Variants in HSD17B12 observed in about 807,000 individuals in gnomAD.
The protein encoded by HSD17B12 is hydroxysteroid 17-beta dehydrogenase 12.
HSD17B12 carries 32 observed loss-of-function variants against 39.3 expected under a neutral mutation model. The observed-to-expected ratio is 0.81, with a 90% confidence interval of 0.61 to 1.09. HSD17B12 has a LOEUF of 1.09. Ranked by LOEUF, HSD17B12 falls within the 50% of genes least tolerant of loss-of-function variation. The probability of loss-of-function intolerance (pLI) is 0.00; values close to 1 mark genes in which losing one functional copy is unlikely to be tolerated. For synonymous variants in HSD17B12, 150 were observed against 146.7 expected (o/e 1.02, Z -0.16); for missense variants, 342 against 382.9 (o/e 0.89, Z 0.89).
chr11:43,733,861 A>T (rs1950291277), intron 1 of HSD17B12: 2 of 677,568 alleles, frequency 3.0e-6, no homozygotes, highest in Non-Finnish European at 5.5e-6. Flanking sequence ...TGCTGGGCAC[A>T]GAGCTGCGAT....
At position 43,838,359 on chromosome 11, in the gene HSD17B12, GC is replaced by G; in HGVS notation, c.580del (p.Leu194SerfsTer6). On this transcript the variant is annotated frameshift_variant, in exon 8 of 11. Coordinates refer to ENST00000278353, the MANE Select transcript of HSD17B12 (RefSeq NM_016142.3). LOFTEE classifies it high-confidence loss of function. The stretch of plus-strand genomic sequence containing the variant: ...TGAACATTTCATCTGGCAGTGGCAT[GC>G]TCCCTGTCCCACTCTTGACCATCTA... ...ILNISSGSGM[L>X]PVPLLTIYSA... 1 of 1,613,244 alleles carries G rather than the reference GC, an allele frequency of 6.2e-7. No individual in the cohort carries two copies. The highest frequency in any genetic ancestry group is 8.5e-7 in the Non-Finnish European group (1 of 1,179,366).
intron 9 of HSD17B12, among the ~76,000 whole-genome samples, chr11:43,843,859 T>C (rs1285980757): frequency 6.6e-6 from 1 of 152,180 alleles, no homozygotes; most frequent in Admixed American, 6.5e-5. Flanking sequence ...CCCACTTCCA[T>C]GTATTCTCGA....
chr11:43,764,646 T>C (rs937445067), intron 3 of HSD17B12, among the ~76,000 whole-genome samples: 8 of 152,312 alleles, frequency 5.3e-5, no homozygotes, highest in African/African-American at 1.9e-4. Context: ...GTCCTCTTGA[T>C]GAATTCACTC....
chr11:43,826,858 G>A (rs1430041946), intron 6 of HSD17B12, among the ~76,000 whole-genome samples: 1 of 152,190 alleles, frequency 6.6e-6, no homozygotes, highest in Non-Finnish European at 1.5e-5. Flanking sequence ...TTTCAATGGA[G>A]TTACCATCTA....
chr11:43,815,182 A>G (rs1249570362), intron 4 of HSD17B12, among the ~76,000 whole-genome samples: 2 of 152,178 alleles, frequency 1.3e-5, no homozygotes, highest in Non-Finnish European at 2.9e-5. Context: ...GGCTATGGAA[A>G]GTGAGAGGCA....
At chr11:43,596,646 C>A in the HSD17B12 span, among the ~76,000 whole-genome samples, 1 of 152,068 alleles carries the variant, frequency 6.6e-6, no homozygotes, top group African/African-American at 2.4e-5. Flanking sequence ...CGCTATTGCC[C>A]AGGCTGGTCT....
chr11:43,617,381 T>A, the HSD17B12 span, among the ~76,000 whole-genome samples: 759 of 152,204 alleles, frequency 5.0e-3, 6 homozygotes, highest in African/African-American at 0.017. Context: ...GACTTTGGGA[T>A]GGTAAGATTG....
chr11:43,595,431 A>G, the HSD17B12 span, among the ~76,000 whole-genome samples: 2 of 152,268 alleles, frequency 1.3e-5, no homozygotes, highest in Non-Finnish European at 2.9e-5. Context: ...ATCAGCTGTT[A>G]CATGCACACC....
the HSD17B12 span, among the ~76,000 whole-genome samples, chr11:43,575,174 T>C: frequency 1.3e-5 from 2 of 152,248 alleles, no homozygotes; most frequent in Non-Finnish European, 2.9e-5. This position sits in a 1 kb window ranked among gnomAD's most constrained non-coding sequence, Gnocchi z 4.1. Flanking sequence ...TCTGGGAGTC[T>C]GTCCGTCTCT....
intron 3 of HSD17B12, among the ~76,000 whole-genome samples, chr11:43,759,786 G>A (rs1176260928): frequency 6.6e-6 from 1 of 151,726 alleles, no homozygotes; most frequent in Non-Finnish European, 1.5e-5. Context: ...GGAATGCAGT[G>A]GCCCAAATAT....
chr11:43,608,252 G>A, the HSD17B12 span, among the ~76,000 whole-genome samples: 2 of 151,716 alleles, frequency 1.3e-5, no homozygotes, highest in African/African-American at 2.4e-5. Context: ...TGTAGTCCCA[G>A]CTATCTGGGA....
At chr11:43,842,275 G>A (rs972922792) in intron 9 of HSD17B12, among the ~76,000 whole-genome samples, 2 of 152,154 alleles carry the variant, frequency 1.3e-5, no homozygotes, top group Non-Finnish European at 2.9e-5. Flanking sequence ...AGTAGATACT[G>A]GTGGGAGCTA....
At chr11:43,599,003 A>G in the HSD17B12 span, among the ~76,000 whole-genome samples, 2 of 152,238 alleles carry the variant, frequency 1.3e-5, no homozygotes, top group Non-Finnish European at 2.9e-5. Context: ...TTCTTACATC[A>G]CTTTGGACAA....
chr11:43,604,252 A>C, the HSD17B12 span, among the ~76,000 whole-genome samples: 2 of 152,184 alleles, frequency 1.3e-5, no homozygotes, highest in African/African-American at 2.4e-5. Context: ...ATCGTATATA[A>C]CTAGATATTT....
chr11:43,678,120 C>T (rs1029027868), upstream of HSD17B12, among the ~76,000 whole-genome samples: 2 of 152,192 alleles, frequency 1.3e-5, no homozygotes, highest in African/African-American at 4.8e-5. Context: ...TTAATGATTG[C>T]CATTCTAACT....
At chr11:43,838,782 T>G (rs891635856) in intron 8 of HSD17B12, among the ~76,000 whole-genome samples, 1 of 152,028 alleles carries the variant, frequency 6.6e-6, no homozygotes, top group Non-Finnish European at 1.5e-5. Context: ...CATGAATGAG[T>G]CCACTTCACA....
intron 1 of HSD17B12, among the ~76,000 whole-genome samples, chr11:43,704,118 G>A (rs1949992215): frequency 6.6e-6 from 1 of 152,200 alleles, no homozygotes; most frequent in African/African-American, 2.4e-5. Context: ...GGCACCACTA[G>A]CTTAGCTGTA....
upstream of HSD17B12, chr11:43,680,687 C>T (rs539741491): frequency 1.9e-5 from 14 of 756,552 alleles, no homozygotes; most frequent in South Asian, 2.0e-4. Flanking sequence ...CGGATATGGC[C>T]CCGCGGGCGG....
chr11:43,633,870 T>G, the HSD17B12 span, among the ~76,000 whole-genome samples: 1 of 151,084 alleles, frequency 6.6e-6, no homozygotes, highest in Non-Finnish European at 1.5e-5. Context: ...ACATCAGGAG[T>G]TCGAGACCAG....
Sources: gnomAD v4.1 joint callset for allele counts (sites outside exome capture counted in the v4.1 genomes callset) on GRCh38, gnomAD v4.1.1 for gene constraint, Gnocchi (gnomAD v3.1) non-coding constraint, MANE v1.5 for transcripts, NCBI Gene and HGNC (gene_info 2026-07-23, HGNC 2026-07-21) for gene names.